PIGK: variants seen among roughly 807,000 people sequenced by gnomAD.
PIGK encodes the protein phosphatidylinositol glycan anchor biosynthesis class K.
Under a neutral mutation model 50.6 loss-of-function variants are expected in PIGK, and 42 were observed. The ratio of observed to expected loss-of-function variants is 0.83; its 90% CI spans 0.65 to 1.07. The LOEUF is 1.07. PIGK is among the 50% of genes least tolerant of loss of function. PIGK has a pLI of 0.00. For missense variants in PIGK, 448 were observed against 488.7 expected (o/e 0.92, Z 0.78); for synonymous variants, 151 against 156.0 (o/e 0.97, Z 0.24).
chr1:77,122,660 T>C (rs1339609488), intron 9 of PIGK, among the ~76,000 whole-genome samples: 3 of 152,146 alleles, frequency 2.0e-5, no homozygotes, highest in Non-Finnish European at 4.4e-5. Context: ...GGGTGTTTCT[T>C]TCATAGCACT....
chr1:77,122,818 C>T (rs1003243513), intron 9 of PIGK, among the ~76,000 whole-genome samples: 1 of 152,148 alleles, frequency 6.6e-6, no homozygotes, highest in Non-Finnish European at 1.5e-5. Context: ...TCAGTTTCCC[C>T]GTGCTGTTAT....
At chr1:77,177,232 G>T (rs79904178) in intron 3 of PIGK, among the ~76,000 whole-genome samples, 1,738 of 152,264 alleles carry the variant, frequency 0.011, 36 homozygotes, top group African/African-American at 0.04. Flanking sequence ...CCTTCTGTTG[G>T]GAATAGGCCC....
At chr1:77,146,787 A>G (rs987645433) in intron 9 of PIGK, among the ~76,000 whole-genome samples, 9 of 150,842 alleles carry the variant, frequency 6.0e-5, no homozygotes, top group African/African-American at 2.2e-4. Flanking sequence ...ACACAGCGAG[A>G]CTCTGTCTAA....
At chr1:77,216,413 A>C (rs1426864275) in intron 1 of PIGK, among the ~76,000 whole-genome samples, 1 of 152,174 alleles carries the variant, frequency 6.6e-6, no homozygotes, top group Non-Finnish European at 1.5e-5. Flanking sequence ...AATACAAGTT[A>C]ATTCTTACGT....
rs190566630 is a variant in PIGK at position 77,115,690 on chromosome 1, T to C, written c.1071+6585A>G. 8.5e-5 allele frequency among the ~76,000 whole-genome samples: 13 copies of C among 152,218 alleles called. No individual in the cohort carries two copies. In the East Asian group the frequency reaches 2.1e-3, roughly 25 times the overall value. On this transcript the variant is annotated intron_variant, in intron 10 of 10. Coordinates refer to ENST00000370812, the MANE Select transcript of PIGK (RefSeq NM_005482.3). ...TAACAAAGAACAGATGAAACAAGACTTTGCAAGATAATCTTCTATGTTTTA... is the reference window on the plus strand; with the variant it reads ...TAACAAAGAACAGATGAAACAAGACCTTGCAAGATAATCTTCTATGTTTTA...
Position 77,161,714 on chromosome 1 carries a change from G to A in PIGK, c.585-3C>T. The A allele has an allele frequency of 8.3e-7, 1 of 1,203,160 alleles. No homozygotes were observed. The highest frequency in any genetic ancestry group is 2.3e-5 in the East Asian group (1 of 42,884). 74.5% of individuals were successfully genotyped at this position (1,203,160 alleles called of 1,614,324 possible). ...TAATAAACAGTAGCTCATTGTAGCT[G>A]AAAGAAAAATGATAACATCTTTGAC... On this transcript the variant is annotated splice_polypyrimidine_tract_variant and splice_region_variant and intron_variant, in intron 6 of 10. Coordinates refer to ENST00000370812, the MANE Select transcript of PIGK (RefSeq NM_005482.3).
intron 8 of PIGK, among the ~76,000 whole-genome samples, chr1:77,160,616 A>T (rs1655110065): frequency 6.6e-6 from 1 of 152,244 alleles, no homozygotes; most frequent in Admixed American, 6.5e-5. Flanking sequence ...ATTAATGGAG[A>T]AAAGAATGAA....
At chr1:77,149,707 A>C (rs1167538282) in intron 9 of PIGK, among the ~76,000 whole-genome samples, 2 of 152,164 alleles carry the variant, frequency 1.3e-5, no homozygotes, top group Admixed American at 1.3e-4. Context: ...CAGAAAATCT[A>C]CAAAGAAGGA....
intron 3 of PIGK, among the ~76,000 whole-genome samples, chr1:77,176,637 T>C (rs1428586464): frequency 2.0e-5 from 3 of 152,168 alleles, no homozygotes; most frequent in African/African-American, 7.2e-5. Context: ...TTTAGGAGGT[T>C]CATGAAAGGA....
chr1:77,215,566 T>C (rs1656539769), intron 1 of PIGK, among the ~76,000 whole-genome samples: 3 of 152,132 alleles, frequency 2.0e-5, no homozygotes, highest in African/African-American at 7.2e-5. Context: ...ATTCCACTAC[T>C]GGGCATATAT....
intron 9 of PIGK, among the ~76,000 whole-genome samples, chr1:77,134,975 G>GA (rs376468866): frequency 2.0e-5 from 3 of 151,228 alleles, no homozygotes; most frequent in East Asian, 1.9e-4. Context: ...ACTGTGATCC[G>GA]AAAAAAAATG....
chr1:77,197,393 G>A (rs940537082), intron 3 of PIGK, among the ~76,000 whole-genome samples: 17 of 152,252 alleles, frequency 1.1e-4, no homozygotes, highest in Admixed American at 4.6e-4. Context: ...CAGGCACAGC[G>A]AAGAATTGTC....
In PIGK at chr1:77,129,713, A is replaced by G. The variant is rs753260152; in HGVS notation, c.987-7354T>C. The G allele has an allele frequency of 4.9e-6, 5 of 1,017,944 alleles. No individual in the cohort carries two copies. The East Asian group carries it at 1.1e-4, about 23-fold the overall frequency. The allele number at this position is 1,017,944 out of a possible 1,614,324, so 63.1% of individuals were successfully genotyped here. ...GTAATTAAAAGGAAAAATAAAAAAT[A>G]AAAATAAATAAATAAATAAATAAAT... is the stretch of plus-strand genomic sequence containing the variant. On this transcript the variant is annotated intron_variant, in intron 9 of 10. Transcript: ENST00000370812.
intron 9 of PIGK, among the ~76,000 whole-genome samples, chr1:77,138,825 T>C (rs1654580969): frequency 6.6e-6 from 1 of 152,208 alleles, no homozygotes; most frequent in Admixed American, 6.5e-5. Flanking sequence ...TTTGGGTTAC[T>C]ATCAATCTAG....
chr1:77,196,090 T>G (rs576336060), intron 3 of PIGK, among the ~76,000 whole-genome samples: 8 of 152,240 alleles, frequency 5.3e-5, no homozygotes, highest in Non-Finnish European at 1.0e-4. Flanking sequence ...TCTGGTTTTC[T>G]GTTCCTGCAT....
chr1:77,125,195 T>C (rs1654203881), intron 9 of PIGK, among the ~76,000 whole-genome samples: 1 of 152,248 alleles, frequency 6.6e-6, no homozygotes, highest in South Asian at 2.1e-4. Context: ...GCAACTTGTT[T>C]TGAATAACTT....
chr1:77,158,259 C>T (rs189550901), intron 8 of PIGK, among the ~76,000 whole-genome samples: 45 of 152,004 alleles, frequency 3.0e-4, no homozygotes, highest in African/African-American at 1.0e-3. Flanking sequence ...TCAAGTAATC[C>T]GCCCACCTCA....
intron 1 of PIGK, among the ~76,000 whole-genome samples, chr1:77,213,297 G>C (rs1301874206): frequency 2.6e-5 from 4 of 152,190 alleles, no homozygotes; most frequent in African/African-American, 9.6e-5. Context: ...CTCCAGGACA[G>C]ACTGACCATG....
rs899039620 is a variant in PIGK, at chr1:77,090,330, T to C, written c.*2044A>G. Reference sequence around the variant, plus strand: ...ATTTAGTTATTATGAAGGCAGAGTATGCTCTATGTAAAAAGATTATGGTTA... The same window carrying C: ...ATTTAGTTATTATGAAGGCAGAGTACGCTCTATGTAAAAAGATTATGGTTA... On this transcript the variant is annotated 3_prime_UTR_variant, in exon 11 of 11. Transcript: ENST00000370812. 4 of 152,226 alleles carry C rather than the reference T, an allele frequency of 2.6e-5. No homozygotes were observed. Among genetic ancestry groups the C allele is most frequent in the Admixed American group, 2.0e-4 (3 of 15,272 alleles). The allele number at this position is 152,226 out of a possible 1,614,324, so 9.4% of individuals were successfully genotyped here. A position where few individuals can be genotyped will look rare whatever the true frequency, so the allele number is the denominator to read the frequency against.
Sources: gnomAD v4.1 joint callset for allele counts (sites outside exome capture counted in the v4.1 genomes callset) on GRCh38, gnomAD v4.1.1 for gene constraint, MANE v1.5 for transcripts, NCBI Gene and HGNC (gene_info 2026-07-23, HGNC 2026-07-21) for gene names.